The following MBP variants were observed in gnomAD, a reference collection of about 807,000 sequenced individuals.
MBP encodes myelin basic protein.
Under a neutral mutation model 35.8 loss-of-function variants are expected in MBP, and 16 were observed. The observed-to-expected ratio is 0.45, with a 90% CI of 0.30 to 0.68. The LOEUF (loss-of-function observed/expected upper bound fraction) is 0.68, where lower values mean the gene tolerates loss of function less well. Ranked by LOEUF, MBP falls within the 30% of genes least tolerant of loss-of-function variation. The pLI is 0.08. For synonymous variants in MBP, 143 were observed against 159.6 expected, an observed-to-expected ratio of 0.90 and a Z score of 0.78; for missense variants, 380 against 404.7, an observed-to-expected ratio of 0.94 and a Z score of 0.52.
At chr18:77,062,773 T>C (rs988676470) in intron 3 of MBP, among the ~76,000 whole-genome samples, 3 of 152,244 alleles carry the variant, frequency 2.0e-5, no homozygotes, top group Non-Finnish European at 2.9e-5. Flanking sequence ...AGTCAGCACC[T>C]GGCACAAACT....
intron 4 of MBP, chr18:77,015,547 T>A (rs7236968): frequency 0.082 from 80,766 of 985,148 alleles, 3,872 homozygotes; most frequent in East Asian, 0.3. Flanking sequence ...GAATATGAAT[T>A]CCATTAGTAT....
At chr18:77,049,078 C>A (rs1973375337) in intron 3 of MBP, among the ~76,000 whole-genome samples, 1 of 152,070 alleles carries the variant, frequency 6.6e-6, no homozygotes. Context: ...TGCCACCACG[C>A]CCGGCTAATT....
At chr18:77,016,469 G>C in intron 4 of MBP, 1 of 1,096,948 alleles carries the variant, frequency 9.1e-7, no homozygotes. Context: ...GGCTGCAGAG[G>C]CAACATCAGT....
At chr18:77,109,307 TG>T (rs1324038314) in intron 1 of MBP, 1 of 152,256 alleles carries the variant, frequency 6.6e-6, no homozygotes, top group Non-Finnish European at 1.5e-5. Context: ...ATCCTACAAT[TG>T]CCTGTCAACA....
chr18:77,015,884 A>G (rs1181800158), intron 4 of MBP: 3 of 985,468 alleles, frequency 3.0e-6, no homozygotes, highest in Non-Finnish European at 3.6e-6. Flanking sequence ...GCCTTCTGGA[A>G]TTCCAGAATC....
intron 2 of MBP, among the ~76,000 whole-genome samples, chr18:77,085,789 A>C (rs1439330098): frequency 6.6e-6 from 1 of 151,180 alleles, no homozygotes; most frequent in Admixed American, 6.6e-5. Flanking sequence ...GTTTCAAGCA[A>C]TTCTCCTGCC....
chr18:77,085,567 T>C (rs181778588), intron 2 of MBP, among the ~76,000 whole-genome samples: 2 of 152,342 alleles, frequency 1.3e-5, no homozygotes, highest in East Asian at 1.9e-4. Context: ...GTGTCACCAT[T>C]ATGTTTTTAC....
At chr18:77,082,870 T>C (rs200175397) in intron 2 of MBP, among the ~76,000 whole-genome samples, 2 of 40,000 alleles carry the variant, frequency 5.0e-5, no homozygotes, top group African/African-American at 1.3e-4. Flanking sequence ...TGTGGTTCAG[T>C]GCCAGGATCC....
At chr18:77,117,560 A>T (rs1976707565) in intron 1 of MBP, among the ~76,000 whole-genome samples, 1 of 152,108 alleles carries the variant, frequency 6.6e-6, no homozygotes, top group Admixed American at 6.5e-5. Context: ...ACACATTCAT[A>T]GTTCCGTGGC....
At chr18:77,008,878 TC>T (rs886276862) in intron 4 of MBP, among the ~76,000 whole-genome samples, 1 of 152,154 alleles carries the variant, frequency 6.6e-6, no homozygotes, top group African/African-American at 2.4e-5. Flanking sequence ...AGGCGTCCTG[TC>T]CCCCGTGCTC....
In MBP at chr18:77,054,508, G is replaced by A. The variant is rs528446161; in HGVS notation, c.139+11790C>T. 3.3e-5 allele frequency among the ~76,000 whole-genome samples: 5 copies of A among 152,298 alleles called. No homozygotes were observed. In the South Asian group the frequency reaches 6.2e-4, roughly 19 times the overall value. ...GAGGTGCTCAGCAGCTAGCTGGCAG[G>A]GAGAACCAACAGGGATGGATCAGGA... On this transcript the variant is annotated intron_variant, in intron 3 of 8. Transcript: ENST00000355994.
At chr18:77,025,249 C>T (rs1972161940) in intron 3 of MBP, among the ~76,000 whole-genome samples, 2 of 152,270 alleles carry the variant, frequency 1.3e-5, no homozygotes, top group South Asian at 4.1e-4. Context: ...CAGGCTTTTC[C>T]TCTCAGGGTA....
intron 1 of MBP, among the ~76,000 whole-genome samples, chr18:77,124,689 T>C (rs1976993834): frequency 6.6e-6 from 1 of 152,180 alleles, no homozygotes; most frequent in Non-Finnish European, 1.5e-5. Context: ...GGGGACTTCC[T>C]GAGGCTGTTG....
chr18:77,023,914 G>GT (rs1400477653), intron 3 of MBP, among the ~76,000 whole-genome samples: 5 of 152,220 alleles, frequency 3.3e-5, no homozygotes, highest in Non-Finnish European at 7.3e-5. Context: ...ACCAGGCTCT[G>GT]TTTATTCTCT....
rs182818349 is a variant in MBP, at chr18:76,987,652, C to T, written c.750+843G>A. On this transcript the variant is annotated intron_variant, in intron 7 of 8. Coordinates refer to ENST00000355994, the MANE Select transcript of MBP (RefSeq NM_001025101.2). ...AAAGTGTAGGTAGGCTCTGTTCTAG[C>T]GTATGAGAGCATTGCAGTTTCGGAG... 16 of 988,590 alleles carry T rather than the reference C, an allele frequency of 1.6e-5. No individual in the cohort carries two copies. In the East Asian group the frequency reaches 7.9e-4, roughly 49 times the overall value. The allele number at this position is 988,590 out of a possible 1,614,324, so 61.2% of individuals were successfully genotyped here.
rs533203141 is a variant in MBP at position 77,131,122 on chromosome 18, C to T, written c.-26+1458G>A. On this transcript the variant is annotated intron_variant, in intron 1 of 8. Coordinates refer to ENST00000355994, the MANE Select transcript of MBP (RefSeq NM_001025101.2). This position sits in a 1 kb window ranked among gnomAD's most constrained non-coding sequence, Gnocchi z 5.5. ...ACACACACACACACACACACACACC[C>T]CCTCTGCCGCGGTACCCTTCCCCTG... 7.2e-6 allele frequency among the ~76,000 whole-genome samples: 1 copy of T among 139,304 alleles called. No homozygotes were observed. The highest frequency in any genetic ancestry group is 2.6e-5 in the African/African-American group (1 of 37,920). 91.4% of individuals were successfully genotyped at this position (139,304 alleles called of 152,430 possible).
intron 4 of MBP, among the ~76,000 whole-genome samples, chr18:76,997,708 A>G (rs1335425892): frequency 1.4e-5 from 2 of 146,700 alleles, no homozygotes; most frequent in African/African-American, 2.5e-5. Flanking sequence ...TTTGAGACGG[A>G]GTCTCACTTT....
intron 7 of MBP, chr18:76,985,903 C>T (rs181351066): frequency 2.0e-6 from 2 of 986,666 alleles, no homozygotes; most frequent in Admixed American, 6.1e-5. Flanking sequence ...TCAGCCCCAG[C>T]AGCCCCTCTG....
chr18:76,996,612 G>A (rs1028887504), intron 4 of MBP, among the ~76,000 whole-genome samples: 1 of 152,052 alleles, frequency 6.6e-6, no homozygotes, highest in South Asian at 2.1e-4. Context: ...AGTAAAAGCC[G>A]CCATTCTAAA....
Sources: gnomAD v4.1 joint callset for allele counts (sites outside exome capture counted in the v4.1 genomes callset) on GRCh38, gnomAD v4.1.1 for gene constraint, Gnocchi (gnomAD v3.1) non-coding constraint, MANE v1.5 for transcripts, NCBI Gene and HGNC (gene_info 2026-07-23, HGNC 2026-07-21) for gene names.